The following CNTN4 variants were observed in gnomAD, a reference collection of about 807,000 sequenced individuals.
The protein encoded by CNTN4 is contactin-4.
Under a neutral mutation model 122.5 loss-of-function variants are expected in CNTN4, and 77 were observed. That is an observed-to-expected ratio of 0.63 (90% CI 0.52 to 0.76). The LOEUF (loss-of-function observed/expected upper bound fraction) is 0.76, where lower values mean the gene tolerates loss of function less well. Among genes scored for constraint, CNTN4 ranks in the 30% least tolerant of loss-of-function variants. The pLI is 0.00. For synonymous variants in CNTN4, 512 were observed against 447.0 expected (o/e 1.15, Z -1.83); for missense variants, 1,256 against 1,259.1 (o/e 1.00, Z 0.04).
intron 2 of CNTN4, among the ~76,000 whole-genome samples, chr3:2,173,070 T>C (rs2036587876): frequency 6.6e-6 from 1 of 152,194 alleles, no homozygotes; most frequent in Admixed American, 6.5e-5. Context: ...GATTTCTAAA[T>C]TGGGGCTTTT....
chr3:2,668,429 T>C (rs1442490767), intron 4 of CNTN4, among the ~76,000 whole-genome samples: 10 of 152,228 alleles, frequency 6.6e-5, no homozygotes, highest in South Asian at 2.1e-4. Flanking sequence ...TTGTGATTTT[T>C]GCACATTGAT....
chr3:2,995,717 G>A (rs1450140941), intron 14 of CNTN4, among the ~76,000 whole-genome samples: 1 of 152,136 alleles, frequency 6.6e-6, no homozygotes, highest in African/African-American at 2.4e-5. Flanking sequence ...TATGAGACTG[G>A]CAAAAGAGAA....
At chr3:2,307,576 C>T (rs1417142714) in intron 2 of CNTN4, among the ~76,000 whole-genome samples, 1 of 151,866 alleles carries the variant, frequency 6.6e-6, no homozygotes, top group East Asian at 1.9e-4. Context: ...GGTTTAGGAT[C>T]TTCCTTCCAA....
At chr3:2,187,762 C>T (rs1322124925) in intron 2 of CNTN4, among the ~76,000 whole-genome samples, 2 of 152,162 alleles carry the variant, frequency 1.3e-5, no homozygotes, top group African/African-American at 4.8e-5. Flanking sequence ...CTTGCTTACT[C>T]ACAGGAGAGG....
At chr3:2,197,284 G>T (rs913767858) in intron 2 of CNTN4, among the ~76,000 whole-genome samples, 1 of 152,098 alleles carries the variant, frequency 6.6e-6, no homozygotes, top group Non-Finnish European at 1.5e-5. Context: ...GTAGTGGAGG[G>T]TGATGGCACA....
intron 7 of CNTN4, among the ~76,000 whole-genome samples, chr3:2,835,514 A>T (rs2093205983): frequency 6.6e-6 from 1 of 152,194 alleles, no homozygotes; most frequent in Non-Finnish European, 1.5e-5. Flanking sequence ...GCCAAAAAAA[A>T]TTTAAACAAA....
intron 4 of CNTN4, among the ~76,000 whole-genome samples, chr3:2,675,096 C>T (rs1332413727): frequency 6.6e-6 from 1 of 151,226 alleles, no homozygotes; most frequent in African/African-American, 2.4e-5. Flanking sequence ...AGAAAACAAT[C>T]AGCAGTGGAG....
intron 2 of CNTN4, among the ~76,000 whole-genome samples, chr3:2,294,383 C>G (rs184041558): frequency 6.6e-6 from 1 of 151,568 alleles, no homozygotes; most frequent in African/African-American, 2.4e-5. Flanking sequence ...GTAATCCCAG[C>G]ACTCTGGGAG....
intron 3 of CNTN4, among the ~76,000 whole-genome samples, chr3:2,457,478 A>G (rs1169135164): frequency 6.6e-6 from 1 of 152,166 alleles, no homozygotes; most frequent in Admixed American, 6.6e-5. Flanking sequence ...AAATCCAAAC[A>G]GTAAAGAAAT....
In CNTN4 at chr3:2,988,921, T is replaced by A. The variant is rs9841433; in HGVS notation, c.1486+449T>A. ...TCCCATTTATTCAGAGATATGGATA[T>A]GGCTTATTATACTAATAGAAGGCTT... On this transcript the variant is annotated intron_variant, in intron 14 of 24. Coordinates refer to ENST00000418658, the MANE Select transcript of CNTN4 (RefSeq NM_175607.3). 9.0e-4 allele frequency: 192 copies of A among 212,586 alleles called. 1 individual carries two copies. The highest frequency in any genetic ancestry group is 4.2e-3 in the African/African-American group (181 of 42,984). 13.2% of individuals were successfully genotyped at this position (212,586 alleles called of 1,614,324 possible).
At chr3:2,649,103 A>T (rs904662746) in intron 4 of CNTN4, among the ~76,000 whole-genome samples, 6 of 152,220 alleles carry the variant, frequency 3.9e-5, no homozygotes, top group Non-Finnish European at 7.3e-5. Flanking sequence ...GCTTCATGAG[A>T]TTTAAGGAAA....
intron 2 of CNTN4, among the ~76,000 whole-genome samples, chr3:2,326,485 T>TACACACACAC (rs10557917): frequency 3.9e-4 from 49 of 126,098 alleles, no homozygotes; most frequent in African/African-American, 6.2e-4. Context: ...CTAATAAATT[T>TACACACACAC]ACACACACAC....
intron 23 of CNTN4, among the ~76,000 whole-genome samples, chr3:3,049,298 G>T (rs1290693983): frequency 1.3e-5 from 2 of 152,130 alleles, no homozygotes; most frequent in South Asian, 4.1e-4. Context: ...GGCCAGGCTG[G>T]TCTTAAACTC....
intron 13 of CNTN4, among the ~76,000 whole-genome samples, chr3:2,938,278 A>G (rs1282040666): frequency 6.6e-6 from 1 of 152,044 alleles, no homozygotes; most frequent in Non-Finnish European, 1.5e-5. Flanking sequence ...TCTCTGTAAA[A>G]AAAATGAGCA....
At chr3:2,488,915 AATAG>A (rs1279592179) in intron 3 of CNTN4, among the ~76,000 whole-genome samples, 4 of 152,214 alleles carry the variant, frequency 2.6e-5, no homozygotes, top group African/African-American at 7.2e-5. Context: ...CATTTTTAAT[AATAG>A]ATAGTCTAGA....
At chr3:2,680,529 T>C (rs564095050) in intron 4 of CNTN4, among the ~76,000 whole-genome samples, 57 of 152,296 alleles carry the variant, frequency 3.7e-4, no homozygotes, top group African/African-American at 1.4e-3. Context: ...TTTCCTCTTC[T>C]AGAAATATAT....
rs9880244 is a variant in CNTN4 at position 2,895,838 on chromosome 3, T to C, written c.941-4847T>C. On this transcript the variant is annotated intron_variant, in intron 10 of 24. Coordinates refer to ENST00000418658, the MANE Select transcript of CNTN4 (RefSeq NM_175607.3). ...TCACAAGGTCAGGAGATCGAGACCATCCTGGCTAACAGGGTGAAACCCCGT... is the reference window on the plus strand; with the variant it reads ...TCACAAGGTCAGGAGATCGAGACCACCCTGGCTAACAGGGTGAAACCCCGT... Among the ~76,000 whole-genome samples, 6 of 152,208 alleles carry C rather than the reference T, an allele frequency of 3.9e-5. No individual in the cohort carries two copies. The East Asian group carries it at 5.8e-4, about 15-fold the overall frequency.
chr3:2,499,034 C>G (rs2076526582), intron 3 of CNTN4, among the ~76,000 whole-genome samples: 1 of 152,154 alleles, frequency 6.6e-6, no homozygotes, highest in South Asian at 2.1e-4. Context: ...AAGTGTTTGC[C>G]CGCCTCAGCT....
rs11377875 is a variant in CNTN4 at position 2,473,242 on chromosome 3, A to AC, written c.-88-98174_-88-98173insC. ...GCAAAACTCCATCTCAAAAAAAAAA[A>AC]AAAAAAAAAACACCTGCCAGCATTA... On this transcript the variant is annotated intron_variant, in intron 3 of 24. Transcript: ENST00000418658. Among the ~76,000 whole-genome samples the AC allele has an allele frequency of 3.7e-3, 336 of 91,516 alleles. 1 individual carries two copies. The highest frequency in any genetic ancestry group is 0.031 in the East Asian group (104 of 3,310). 60.0% of individuals were successfully genotyped at this position (91,516 alleles called of 152,430 possible).
Sources: gnomAD v4.1 joint callset for allele counts (sites outside exome capture counted in the v4.1 genomes callset) on GRCh38, gnomAD v4.1.1 for gene constraint, MANE v1.5 for transcripts, NCBI Gene and HGNC (gene_info 2026-07-23, HGNC 2026-07-21) for gene names.